The following NRCAM variants were observed in gnomAD, a reference collection of about 807,000 sequenced individuals.
NRCAM encodes neuronal cell adhesion molecule, also known as NgCAM-related cell adhesion molecule.
In NRCAM, 83 loss-of-function variants were observed where a neutral mutation model predicts 156.5. The observed-to-expected ratio is 0.53, with a 90% CI of 0.44 to 0.64. The LOEUF is 0.64. Ranked by LOEUF, NRCAM falls within the 30% of genes least tolerant of loss-of-function variation. NRCAM has a pLI of 0.00. For missense variants in NRCAM, 1,417 were observed against 1,597.3 expected, an observed-to-expected ratio of 0.89 and a Z score of 1.92; for synonymous variants, 538 against 563.9, an observed-to-expected ratio of 0.95 and a Z score of 0.65.
chr7:108,180,838 T>G (rs1008942829), intron 24 of NRCAM, among the ~76,000 whole-genome samples: 1 of 152,206 alleles, frequency 6.6e-6, no homozygotes, highest in Admixed American at 6.5e-5. Flanking sequence ...GTACAACCTA[T>G]CATGTAGTGA....
chr7:108,209,704 A>T (rs1213228499), intron 11 of NRCAM, 99 bp from the exon 12 acceptor site: 7 of 822,794 alleles, frequency 8.5e-6, no homozygotes, highest in Non-Finnish European at 9.8e-6. Context: ...AATCTTTATT[A>T]AAAAATCATA....
intron 1 of NRCAM, among the ~76,000 whole-genome samples, chr7:108,421,990 A>T (rs993318897): frequency 1.3e-5 from 2 of 152,234 alleles, no homozygotes; most frequent in African/African-American, 4.8e-5. Flanking sequence ...TGCCACATAC[A>T]GTGGAACAGT....
At chr7:108,234,814 T>C in intron 5 of NRCAM, 126 bp from the exon 6 acceptor site, 1 of 791,740 alleles carries the variant, frequency 1.3e-6, no homozygotes, top group Non-Finnish European at 2.3e-6. Flanking sequence ...TAGTAATTTC[T>C]AGTGTAGCAG....
rs2039630007 is a variant in NRCAM, at chr7:108,147,913, T to C, written c.*1997A>G. Reference sequence around the variant, plus strand: ...GTAGTTTTATTGTTCTCCCAAAATATTGGCAAATTTAAAGTAACTTTTAAT... The same window carrying C: ...GTAGTTTTATTGTTCTCCCAAAATACTGGCAAATTTAAAGTAACTTTTAAT... On this transcript the variant is annotated 3_prime_UTR_variant, in exon 33 of 33. Coordinates refer to ENST00000379028, the MANE Select transcript of NRCAM (RefSeq NM_001037132.4). 6.6e-6 allele frequency: 1 copy of C among 152,650 alleles called. No individual in the cohort carries two copies. The highest frequency in any genetic ancestry group is 1.5e-5 in the Non-Finnish European group (1 of 68,042). The allele number at this position is 152,650 out of a possible 1,614,324, so 9.5% of individuals were successfully genotyped here. A position where few individuals can be genotyped will look rare whatever the true frequency, so the allele number is the denominator to read the frequency against.
intron 1 of NRCAM, among the ~76,000 whole-genome samples, chr7:108,424,946 A>G (rs983561810): frequency 3.3e-5 from 5 of 152,202 alleles, no homozygotes; most frequent in Admixed American, 2.0e-4. Context: ...GGAGAAAATT[A>G]TTTGCATGAT....
At chr7:108,205,099 C>T (rs559255022) in intron 13 of NRCAM, among the ~76,000 whole-genome samples, 2 of 152,264 alleles carry the variant, frequency 1.3e-5, no homozygotes, top group Admixed American at 1.3e-4. Flanking sequence ...TGAAACCTAA[C>T]TCCAAGGTTA....
chr7:108,250,676 T>G (rs1241226009), intron 3 of NRCAM, among the ~76,000 whole-genome samples: 1 of 151,654 alleles, frequency 6.6e-6, no homozygotes, highest in African/African-American at 2.4e-5. Flanking sequence ...AAACAATGAC[T>G]AAGACCTAGT....
At chr7:108,396,158 A>G (rs1409228291) in intron 2 of NRCAM, among the ~76,000 whole-genome samples, 4 of 152,198 alleles carry the variant, frequency 2.6e-5, no homozygotes, top group Admixed American at 1.3e-4. Flanking sequence ...TATGAGTGAG[A>G]CAGAAAAAGA....
intron 3 of NRCAM, among the ~76,000 whole-genome samples, chr7:108,281,353 T>C (rs2097852435): frequency 6.6e-6 from 1 of 152,268 alleles, no homozygotes; most frequent in Admixed American, 6.5e-5. Flanking sequence ...AAACGAATGA[T>C]GAGCATTATC....
intron 3 of NRCAM, among the ~76,000 whole-genome samples, chr7:108,304,803 T>C (rs922592306): frequency 6.6e-6 from 1 of 152,176 alleles, no homozygotes; most frequent in African/African-American, 2.4e-5. Context: ...GGCTTTCCAT[T>C]ATGTACTCTT....
intron 3 of NRCAM, among the ~76,000 whole-genome samples, chr7:108,311,503 C>G (rs1460359382): frequency 6.6e-6 from 1 of 152,136 alleles, no homozygotes; most frequent in Non-Finnish European, 1.5e-5. Flanking sequence ...TGGTGTTGGT[C>G]ATAATTACCT....
intron 2 of NRCAM, among the ~76,000 whole-genome samples, chr7:108,385,608 T>C (rs983440551): frequency 1.3e-5 from 2 of 152,148 alleles, no homozygotes; most frequent in African/African-American, 4.8e-5. Context: ...TCCTACATGT[T>C]AGAACACAGA....
In NRCAM at chr7:108,226,363, G is replaced by T; in HGVS notation, c.566C>A (p.Pro189Gln). 1 of 1,611,998 alleles carries T rather than the reference G, an allele frequency of 6.2e-7. No homozygotes were observed. Residue 189 changes from proline to glutamine, a missense_variant, in exon 9 of 33, where the codon CCA becomes CAA. This residue lies in a region of NRCAM where 1,238 missense variants were observed against 1,336.4 expected (regional missense o/e 0.93). Transcript: ENST00000379028. ...FWMDNSFQRLPQSERVSQGLN... is the reference protein window; with the variant it reads ...FWMDNSFQRLQQSERVSQGLN... ...ACCTTGAGAAACTCTCTCACTTTGT[G>T]GAAGTCTTTGAAAGGCTGGAGAAAG...
At chr7:108,208,120 C>A (rs943071169) in intron 12 of NRCAM, among the ~76,000 whole-genome samples, 1 of 137,234 alleles carries the variant, frequency 7.3e-6, no homozygotes, top group African/African-American at 2.8e-5. Context: ...ATGGTAAAAC[C>A]CTGTTGCTAT....
At chr7:108,299,114 A>AAAAAAAAAAAAAAG in intron 3 of NRCAM, among the ~76,000 whole-genome samples, 16 of 25,518 alleles carry the variant, frequency 6.3e-4, no homozygotes, top group African/African-American at 1.6e-3. Flanking sequence ...TCAAAAAAAA[A>AAAAAAAAAAAAAAG]AAAGAAAGAA....
chr7:108,203,010 T>C (rs182107447), intron 13 of NRCAM, among the ~76,000 whole-genome samples: 164 of 152,252 alleles, frequency 1.1e-3, no homozygotes, highest in African/African-American at 3.8e-3. Flanking sequence ...ACCACCAGAA[T>C]GGCACAGGCT....
intron 2 of NRCAM, among the ~76,000 whole-genome samples, chr7:108,336,003 G>T (rs561858461): frequency 6.6e-6 from 1 of 152,276 alleles, no homozygotes; most frequent in Non-Finnish European, 1.5e-5. Flanking sequence ...GATTTGAAAT[G>T]ACCTTACACA....
At chr7:108,190,368 T>C (rs954998462) in intron 19 of NRCAM, among the ~76,000 whole-genome samples, 4 of 152,222 alleles carry the variant, frequency 2.6e-5, no homozygotes, top group African/African-American at 9.6e-5. Flanking sequence ...CCTCTTCTAA[T>C]GGTGCTTCTG....
At chr7:108,246,332 C>T (rs1157643617) in intron 3 of NRCAM, among the ~76,000 whole-genome samples, 1 of 152,074 alleles carries the variant, frequency 6.6e-6, no homozygotes, top group Non-Finnish European at 1.5e-5. Context: ...GGCAGGGAGC[C>T]ATGTAGAGCC....
Sources: allele counts gnomAD v4.1 joint callset (sites outside exome capture counted in the v4.1 genomes callset), GRCh38; gene constraint gnomAD v4.1.1; regional missense constraint gnomAD v4.1.1; transcripts MANE v1.5; gene names NCBI Gene and HGNC (gene_info 2026-07-23, HGNC 2026-07-21).